RBFOX3: variants seen among roughly 807,000 people sequenced by gnomAD.
RBFOX3 encodes RNA binding fox-1 homolog 3, also known as RNA binding protein fox-1 homolog 3.
A neutral mutation model predicts 48.7 loss-of-function variants in RBFOX3; 17 were observed. That is an observed-to-expected ratio of 0.35 (90% CI 0.24 to 0.52). The LOEUF (loss-of-function observed/expected upper bound fraction) is 0.52. Ranked by LOEUF, RBFOX3 falls within the 20% of genes least tolerant of loss-of-function variation. The pLI is 0.94. For synonymous variants in RBFOX3, 212 were observed against 209.5 expected (o/e 1.01, Z -0.10); for missense variants, 382 against 497.5 (o/e 0.77, Z 2.21).
chr17:79,251,385 G>A (rs2063934575), intron 3 of RBFOX3, among the ~76,000 whole-genome samples: 1 of 152,160 alleles, frequency 6.6e-6, no homozygotes, highest in African/African-American at 2.4e-5. Flanking sequence ...TATAGTCAAT[G>A]GCACTAAAGT....
intron 2 of RBFOX3, among the ~76,000 whole-genome samples, chr17:79,385,414 T>C (rs2060434463): frequency 1.3e-5 from 2 of 152,014 alleles, no homozygotes; most frequent in Admixed American, 1.3e-4. Context: ...CCTGAAACCA[T>C]CATCCATCGA....
chr17:79,512,532 T>C, intron 1 of RBFOX3, among the ~76,000 whole-genome samples: 1 of 146,088 alleles, frequency 6.8e-6, no homozygotes, highest in South Asian at 2.2e-4. Flanking sequence ...CAGATACATG[T>C]TACCATCGGG....
At chr17:79,334,978 C>T (rs1050522915) in intron 2 of RBFOX3, among the ~76,000 whole-genome samples, 4 of 152,226 alleles carry the variant, frequency 2.6e-5, no homozygotes, top group Non-Finnish European at 4.4e-5. Flanking sequence ...TATTCTCTGC[C>T]AGGGAACCCT....
chr17:79,513,824 G>A (rs2084864306), intron 1 of RBFOX3, among the ~76,000 whole-genome samples: 3 of 152,210 alleles, frequency 2.0e-5, no homozygotes, highest in African/African-American at 7.2e-5. Context: ...TGTGGTTCCT[G>A]GGTCTATGGG....
At chr17:79,565,387 T>C (rs2092420310) in intron 1 of RBFOX3, among the ~76,000 whole-genome samples, 1 of 151,588 alleles carries the variant, frequency 6.6e-6, no homozygotes, top group Non-Finnish European at 1.5e-5. Context: ...TTGCCTAGGC[T>C]GGACTGCAAC....
Position 79,477,438 on chromosome 17 carries a change from C to T in RBFOX3, c.-175+5016G>A, listed in dbSNP as rs1217887846. Reference sequence around the variant, plus strand: ...AGACGTGGTGGCGGGCGCCTGTAGTCCCAGCTACTTGGGAGGCTGAGGCAG... The same window carrying T: ...AGACGTGGTGGCGGGCGCCTGTAGTTCCAGCTACTTGGGAGGCTGAGGCAG... On this transcript the variant is annotated intron_variant, in intron 2 of 14. Coordinates refer to ENST00000693108, the MANE Select transcript of RBFOX3 (RefSeq NM_001350451.2). The surrounding 1 kb of genome is among the most constrained non-coding windows in gnomAD (Gnocchi z 4.8). 4.0e-5 allele frequency among the ~76,000 whole-genome samples: 6 copies of T among 151,780 alleles called. No homozygotes were observed. The highest frequency in any genetic ancestry group is 7.3e-5 in the African/African-American group (3 of 41,288).
intron 3 of RBFOX3, among the ~76,000 whole-genome samples, chr17:79,275,722 T>C (rs1281859708): frequency 6.6e-6 from 1 of 152,104 alleles, no homozygotes; most frequent in Non-Finnish European, 1.5e-5. Flanking sequence ...ATCTCACCCA[T>C]ACTAACACTG....
intron 3 of RBFOX3, among the ~76,000 whole-genome samples, chr17:79,277,537 A>G (rs898533): frequency 0.15 from 22,871 of 152,216 alleles, 1,704 homozygotes; most frequent in East Asian, 0.23. Context: ...CCGCAGCCCA[A>G]TCTCTGCTGT....
chr17:79,513,080 T>C (rs1014872382), intron 1 of RBFOX3, among the ~76,000 whole-genome samples: 1 of 150,700 alleles, frequency 6.6e-6, no homozygotes, highest in Non-Finnish European at 1.5e-5. Flanking sequence ...TGCAGATACA[T>C]GTTACCATCG....
At chr17:79,485,603 A>G (rs1412121024) in intron 1 of RBFOX3, among the ~76,000 whole-genome samples, 2 of 152,068 alleles carry the variant, frequency 1.3e-5, no homozygotes, top group Non-Finnish European at 2.9e-5. Context: ...CAGCAGCCCC[A>G]CACTTCTCCA....
At chr17:79,407,040 G>A (rs542734060) in intron 2 of RBFOX3, among the ~76,000 whole-genome samples, 7 of 152,284 alleles carry the variant, frequency 4.6e-5, no homozygotes, top group South Asian at 2.1e-4. Context: ...ATGAAGTTTC[G>A]CTCTTGTCGC....
intron 1 of RBFOX3, among the ~76,000 whole-genome samples, chr17:79,516,850 C>T (rs2085313406): frequency 6.6e-6 from 1 of 152,102 alleles, no homozygotes. Flanking sequence ...GGATGGACCT[C>T]GAAAACGTGA....
rs562738472 is a variant in RBFOX3 at position 79,243,455 on chromosome 17, G to A, written c.-73-7650C>T. Among the ~76,000 whole-genome samples, 1 of 152,284 alleles carries A rather than the reference G, an allele frequency of 6.6e-6. No homozygotes were observed. Among genetic ancestry groups the A allele is most frequent in the Non-Finnish European group, 1.5e-5 (1 of 68,028 alleles). On this transcript the variant is annotated intron_variant, in intron 3 of 14. Coordinates refer to ENST00000693108, the MANE Select transcript of RBFOX3 (RefSeq NM_001350451.2). The surrounding 1 kb of genome is among the most constrained non-coding windows in gnomAD (Gnocchi z 7.9). The stretch of plus-strand genomic sequence containing the variant: ...ACCAGTTGACTCTTCCAGCTGTGCT[G>A]GGCTTTGCAAAGCCCATGTGCCTTT...
rs35265527 is a variant in RBFOX3 at position 79,311,434 on chromosome 17, CAAA to C, written c.-174-3613_-174-3611del. 5.1e-4 allele frequency among the ~76,000 whole-genome samples: 52 copies of C among 102,546 alleles called. 1 individual carries two copies. The highest frequency in any genetic ancestry group is 2.1e-3 in the East Asian group (7 of 3,266). The allele number at this position is 102,546 out of a possible 152,430, so 67.3% of individuals were successfully genotyped here. On this transcript the variant is annotated intron_variant, in intron 2 of 14. Transcript: ENST00000693108. This position sits in a 1 kb window ranked among gnomAD's most constrained non-coding sequence, Gnocchi z 4.2. The stretch of plus-strand genomic sequence containing the variant: ...GGTAAGAAGAGCGAGACTCCATCTC[CAAA>C]AAAAAAAAAAAAAAAAACAGACTGC...
At chr17:79,192,963 T>C (rs958078491) in intron 4 of RBFOX3, among the ~76,000 whole-genome samples, 32 of 152,348 alleles carry the variant, frequency 2.1e-4, no homozygotes, top group Non-Finnish European at 4.1e-4. Context: ...CTGTGAGGAC[T>C]ATCTGTCTGG....
the RBFOX3 span, among the ~76,000 whole-genome samples, chr17:79,631,651 C>T: frequency 6.6e-6 from 1 of 152,190 alleles, no homozygotes; most frequent in Non-Finnish European, 1.5e-5. Context: ...TGTCTTCTCA[C>T]CGCAGTGTCT....
intron 2 of RBFOX3, among the ~76,000 whole-genome samples, chr17:79,333,180 G>A (rs938534017): frequency 2.6e-5 from 4 of 152,134 alleles, no homozygotes; most frequent in African/African-American, 9.7e-5. Context: ...GGAGGAGACT[G>A]ACCCTCCAAA....
intron 4 of RBFOX3, among the ~76,000 whole-genome samples, chr17:79,161,883 G>A (rs928322504): frequency 1.3e-5 from 2 of 152,144 alleles, no homozygotes; most frequent in Non-Finnish European, 2.9e-5. Flanking sequence ...ATGAGCCACC[G>A]TGCCTGGCCA....
chr17:79,582,049 T>C (rs1391871485), intron 1 of RBFOX3, among the ~76,000 whole-genome samples: 16,966 of 138,482 alleles, frequency 0.12, 1,512 homozygotes, highest in African/African-American at 0.24. Context: ...TATGCATGCA[T>C]GTGCCTGCCC....
Sources: gnomAD v4.1 joint callset for allele counts (sites outside exome capture counted in the v4.1 genomes callset) on GRCh38, gnomAD v4.1.1 for gene constraint, Gnocchi (gnomAD v3.1) non-coding constraint, MANE v1.5 for transcripts, NCBI Gene and HGNC (gene_info 2026-07-23, HGNC 2026-07-21) for gene names.